Variants in EYS observed in about 807,000 individuals in gnomAD.
EYS encodes EGF-like photoreceptor maintenance factor.
EYS carries 250 observed loss-of-function variants against 282.1 expected under a neutral mutation model. The observed-to-expected ratio is 0.89, with a 90% CI of 0.80 to 0.98. EYS has a LOEUF of 0.98. Among genes scored for constraint, EYS ranks in the 50% least tolerant of loss-of-function variants. EYS has a pLI of 0.00. For missense variants in EYS, 4,016 were observed against 3,709.0 expected (o/e 1.08, Z -2.15); for synonymous variants, 1,355 against 1,282.9 (o/e 1.06, Z -1.20).
intron 13 of EYS, among the ~76,000 whole-genome samples, chr6:65,034,209 A>G (rs747110127): frequency 1.3e-5 from 2 of 152,164 alleles, no homozygotes; most frequent in Non-Finnish European, 2.9e-5. Flanking sequence ...GTTTTTTCAA[A>G]AAATTCATTT....
rs542930115 is a variant in EYS, at chr6:64,715,543, C to A, written c.3444-89298G>T. On this transcript the variant is annotated intron_variant, in intron 22 of 42. Coordinates refer to ENST00000503581, the MANE Select transcript of EYS (RefSeq NM_001142800.2). ...TTCTAGCACAGACAAAGTTGATTAACCTGGCTTATTCACAAATGGGCTGCA... is the reference window on the plus strand; with the variant it reads ...TTCTAGCACAGACAAAGTTGATTAAACTGGCTTATTCACAAATGGGCTGCA... Among the ~76,000 whole-genome samples the A allele has an allele frequency of 2.6e-5, 4 of 152,290 alleles. No individual in the cohort carries two copies. The East Asian group carries it at 5.8e-4, about 22-fold the overall frequency.
chr6:64,652,017 A>G (rs1768578600), intron 22 of EYS, among the ~76,000 whole-genome samples: 1 of 152,244 alleles, frequency 6.6e-6, no homozygotes, highest in Non-Finnish European at 1.5e-5. Context: ...ATTAGACTTT[A>G]ACAACAGGTT....
At chr6:63,875,741 T>A (rs1339167897) in intron 35 of EYS, among the ~76,000 whole-genome samples, 2 of 152,232 alleles carry the variant, frequency 1.3e-5, no homozygotes, top group Non-Finnish European at 2.9e-5. Flanking sequence ...TCTTCTAGAT[T>A]TTCTAGTTTA....
intron 2 of EYS, among the ~76,000 whole-genome samples, chr6:65,604,841 C>CTT (rs1562283107): frequency 8.9e-6 from 1 of 112,538 alleles, no homozygotes; most frequent in African/African-American, 3.5e-5. Flanking sequence ...TTCACTGCCC[C>CTT]CTTTTTTTTT....
intron 12 of EYS, among the ~76,000 whole-genome samples, chr6:65,279,078 A>G (rs1197000720): frequency 6.6e-6 from 1 of 151,984 alleles, no homozygotes; most frequent in Non-Finnish European, 1.5e-5. Flanking sequence ...GTCCTAGCTA[A>G]TCAGGAGGCT....
At chr6:65,576,631 G>A (rs895371402) in intron 2 of EYS, among the ~76,000 whole-genome samples, 9 of 151,768 alleles carry the variant, frequency 5.9e-5, no homozygotes, top group Non-Finnish European at 1.3e-4. Flanking sequence ...AAAACAAGAA[G>A]TGAAATCATT....
At chr6:63,785,628 T>A (rs1440934305) in intron 39 of EYS, among the ~76,000 whole-genome samples, 1 of 152,224 alleles carries the variant, frequency 6.6e-6, no homozygotes, top group Non-Finnish European at 1.5e-5. Flanking sequence ...ATAAGCCATT[T>A]TTTAGAACAA....
At chr6:64,326,818 G>A (rs1356217956) in intron 29 of EYS, among the ~76,000 whole-genome samples, 2 of 68,694 alleles carry the variant, frequency 2.9e-5, no homozygotes, top group African/African-American at 7.2e-5. Context: ...GGATGGTCAC[G>A]GGAGCATGTG....
intron 31 of EYS, among the ~76,000 whole-genome samples, chr6:64,116,160 A>G (rs1202573324): frequency 6.6e-5 from 10 of 152,152 alleles, no homozygotes; most frequent in Non-Finnish European, 1.0e-4. Flanking sequence ...AAAATCAAGC[A>G]GAAGAAAGAC....
intron 31 of EYS, among the ~76,000 whole-genome samples, chr6:64,123,138 G>A (rs933357296): frequency 2.0e-5 from 3 of 152,108 alleles, no homozygotes; most frequent in African/African-American, 4.8e-5. Context: ...AACCAGCATC[G>A]TTTCTTGCCA....
chr6:64,631,708 A>T (rs539015400), intron 22 of EYS: 1 of 152,218 alleles, frequency 6.6e-6, no homozygotes, highest in East Asian at 1.9e-4. Context: ...GGCACATAAC[A>T]AAGCAATTCT....
At chr6:64,423,171 T>C (rs534834084) in intron 28 of EYS, among the ~76,000 whole-genome samples, 2 of 152,230 alleles carry the variant, frequency 1.3e-5, no homozygotes, top group East Asian at 3.9e-4. Flanking sequence ...GTACTCAGAT[T>C]TTAATTTTAG....
chr6:64,928,531 A>G (rs2150085642), intron 15 of EYS, among the ~76,000 whole-genome samples: 1 of 152,248 alleles, frequency 6.6e-6, no homozygotes, highest in African/African-American at 2.4e-5. Context: ...CTAATGAGCC[A>G]TTGCTGAATA....
At chr6:64,878,132 C>T (rs771091558) in intron 19 of EYS, among the ~76,000 whole-genome samples, 2 of 151,964 alleles carry the variant, frequency 1.3e-5, no homozygotes, top group Non-Finnish European at 2.9e-5. Context: ...ACTTGGGAGG[C>T]TGAGGCAGGA....
intron 18 of EYS, among the ~76,000 whole-genome samples, chr6:64,898,798 G>A (rs192494527): frequency 1.3e-5 from 2 of 150,546 alleles, no homozygotes; most frequent in South Asian, 4.2e-4. Context: ...AAGAAATCAG[G>A]TGTTACAATC....
intron 28 of EYS, among the ~76,000 whole-genome samples, chr6:64,401,550 G>A (rs1250645659): frequency 6.6e-6 from 1 of 151,678 alleles, no homozygotes; most frequent in Non-Finnish European, 1.5e-5. Context: ...CATGATACTT[G>A]TACATATTTA....
intron 22 of EYS, among the ~76,000 whole-genome samples, chr6:64,799,508 C>A (rs1774469685): frequency 6.6e-6 from 1 of 151,664 alleles, no homozygotes; most frequent in Non-Finnish European, 1.5e-5. Context: ...CTAATTTATT[C>A]ATATGCCTTT....
chr6:64,589,342 G>T (rs1766327768), intron 26 of EYS, among the ~76,000 whole-genome samples: 1 of 151,854 alleles, frequency 6.6e-6, no homozygotes. Context: ...AATATATGAA[G>T]CAAAAACACA....
At chr6:64,742,675 A>G (rs1562166243) in intron 22 of EYS, among the ~76,000 whole-genome samples, 1 of 152,162 alleles carries the variant, frequency 6.6e-6, no homozygotes, top group Non-Finnish European at 1.5e-5. Flanking sequence ...ACAGGTGCAT[A>G]CTTATTCTCA....
Sources: gnomAD v4.1 joint callset for allele counts (sites outside exome capture counted in the v4.1 genomes callset) on GRCh38, gnomAD v4.1.1 for gene constraint, MANE v1.5 for transcripts, NCBI Gene and HGNC (gene_info 2026-07-23, HGNC 2026-07-21) for gene names.